The following STXBP5L variants were observed in gnomAD, a reference collection of about 807,000 sequenced individuals.
STXBP5L encodes syntaxin binding protein 5L.
STXBP5L carries 65 observed loss-of-function variants against 144.5 expected under a neutral mutation model. That is an observed-to-expected ratio of 0.45 (90% CI 0.37 to 0.55). The LOEUF (loss-of-function observed/expected upper bound fraction) is 0.55, where lower values mean the gene tolerates loss of function less well. Ranked by LOEUF, STXBP5L falls within the 20% of genes least tolerant of loss-of-function variation. The pLI is 0.00. For synonymous variants in STXBP5L, 505 were observed against 469.6 expected, an observed-to-expected ratio of 1.08 and a Z score of -0.97; for missense variants, 1,298 against 1,405.5, an observed-to-expected ratio of 0.92 and a Z score of 1.22.
intron 20 of STXBP5L, among the ~76,000 whole-genome samples, chr3:121,348,110 T>G (rs2045086024): frequency 6.6e-6 from 1 of 152,176 alleles, no homozygotes; most frequent in African/African-American, 2.4e-5. Context: ...TAGATAGCTC[T>G]TATTATTTTG....
intron 10 of STXBP5L, among the ~76,000 whole-genome samples, chr3:121,221,455 T>C (rs1040397366): frequency 4.0e-5 from 6 of 151,748 alleles, no homozygotes; most frequent in Non-Finnish European, 7.4e-5. Context: ...TTATTAATAT[T>C]AATAGTAGGT....
chr3:121,087,838 T>G (rs1193715393), intron 5 of STXBP5L, among the ~76,000 whole-genome samples: 1 of 152,110 alleles, frequency 6.6e-6, no homozygotes, highest in Admixed American at 6.6e-5. Flanking sequence ...TTTGTATCAC[T>G]TTTTAAAGAG....
chr3:121,271,503 C>T (rs533770366), intron 18 of STXBP5L, among the ~76,000 whole-genome samples: 26 of 152,204 alleles, frequency 1.7e-4, no homozygotes, highest in African/African-American at 6.3e-4. Flanking sequence ...ACAATAGATG[C>T]TCATTTCTAT....
At chr3:121,194,296 T>G (rs1376847366) in intron 9 of STXBP5L, among the ~76,000 whole-genome samples, 1 of 152,238 alleles carries the variant, frequency 6.6e-6, no homozygotes, top group Non-Finnish European at 1.5e-5. Flanking sequence ...TATTTGGCAT[T>G]TTGTCACTGG....
intron 3 of STXBP5L, among the ~76,000 whole-genome samples, chr3:121,007,373 T>C (rs1944413302): frequency 6.6e-6 from 1 of 152,044 alleles, no homozygotes; most frequent in South Asian, 2.1e-4. Flanking sequence ...CTGGTGTAGT[T>C]ATTAATAAAA....
At chr3:121,284,097 A>G (rs1371364068) in intron 19 of STXBP5L, among the ~76,000 whole-genome samples, 1 of 152,066 alleles carries the variant, frequency 6.6e-6, no homozygotes, top group Non-Finnish European at 1.5e-5. Flanking sequence ...TCAGGATCCT[A>G]TAATATCAGC....
intron 20 of STXBP5L, among the ~76,000 whole-genome samples, chr3:121,331,459 G>C (rs2044319542): frequency 6.6e-6 from 1 of 152,210 alleles, no homozygotes; most frequent in Non-Finnish European, 1.5e-5. Context: ...ATGAAAGGTA[G>C]AATCATAGTT....
chr3:121,145,052 C>G (rs1426842459), intron 7 of STXBP5L, among the ~76,000 whole-genome samples: 1 of 151,756 alleles, frequency 6.6e-6, no homozygotes, highest in Non-Finnish European at 1.5e-5. Flanking sequence ...TTCAGTCAAG[C>G]AAGCTTGATT....
chr3:121,029,817 A>G (rs908612724), intron 3 of STXBP5L, among the ~76,000 whole-genome samples: 7 of 152,168 alleles, frequency 4.6e-5, no homozygotes, highest in African/African-American at 1.7e-4. Flanking sequence ...TCTACAAGGA[A>G]CTTAAACAAA....
At chr3:121,227,307 G>A (rs923994616) in intron 11 of STXBP5L, among the ~76,000 whole-genome samples, 2 of 152,134 alleles carry the variant, frequency 1.3e-5, no homozygotes, top group African/African-American at 2.4e-5. Context: ...TTGGCCAGGT[G>A]CAGTGGCTCA....
intron 22 of STXBP5L, among the ~76,000 whole-genome samples, chr3:121,383,417 T>A (rs964539695): frequency 1.3e-5 from 2 of 151,842 alleles, no homozygotes; most frequent in South Asian, 2.1e-4. Flanking sequence ...AATAAAAAAA[T>A]TAATTAAATC....
intron 3 of STXBP5L, among the ~76,000 whole-genome samples, chr3:121,040,705 C>A (rs1233740297): frequency 6.6e-6 from 1 of 152,060 alleles, no homozygotes; most frequent in East Asian, 1.9e-4. Context: ...AGTAGGCCTG[C>A]TAGATTTTAT....
At chr3:121,248,833 G>C (rs1249682171) in intron 14 of STXBP5L, among the ~76,000 whole-genome samples, 1 of 152,140 alleles carries the variant, frequency 6.6e-6, no homozygotes, top group African/African-American at 2.4e-5. Context: ...ATGGTGAAAG[G>C]TAAGGGTCTA....
rs1401846982 is a variant in STXBP5L at position 121,213,396 on chromosome 3, T to A, written c.956+7395T>A. On this transcript the variant is annotated intron_variant, in intron 10 of 26. Transcript: ENST00000471454. ...TTGAAATATGTTTCAATACCTAGTTTATTGAGAGTTTTTAGCATGAAGGGG... is the reference window on the plus strand; with the variant it reads ...TTGAAATATGTTTCAATACCTAGTTAATTGAGAGTTTTTAGCATGAAGGGG... Among the ~76,000 whole-genome samples the A allele has an allele frequency of 5.9e-5, 9 of 152,176 alleles. No individual in the cohort carries two copies. The East Asian group carries it at 1.7e-3, about 29-fold the overall frequency.
intron 22 of STXBP5L, among the ~76,000 whole-genome samples, chr3:121,395,134 G>C (rs1456552251): frequency 6.6e-6 from 1 of 152,132 alleles, no homozygotes. Context: ...GAAATAGTAA[G>C]TAACCCTTTA....
intron 7 of STXBP5L, among the ~76,000 whole-genome samples, chr3:121,121,916 G>C (rs1176922271): frequency 6.6e-6 from 1 of 150,922 alleles, no homozygotes; most frequent in African/African-American, 2.4e-5. Flanking sequence ...GCTTTACTGA[G>C]AGATAAAATC....
At chr3:120,987,803 T>C (rs1421673049) in intron 3 of STXBP5L, among the ~76,000 whole-genome samples, 1 of 151,864 alleles carries the variant, frequency 6.6e-6, no homozygotes, top group Non-Finnish European at 1.5e-5. Flanking sequence ...ATCTGGGTAA[T>C]ACTATCTTCA....
rs370605827 is a variant in STXBP5L at position 121,257,174 on chromosome 3, G to A, written c.1673G>A (p.Arg558Gln). The change falls in exon 17 of 27, where the codon CGA (arginine) becomes CAA (glutamine). Residue 558 changes from arginine (R) to glutamine (Q), a missense_variant. By Grantham distance (43) the Arg-to-Gln change is conservative. Coordinates refer to ENST00000471454, the MANE Select transcript of STXBP5L (RefSeq NM_001308330.2). ...ITTEIVSLEV[R>Q]LQYDVEDIIT... Reference sequence around the variant, plus strand: ...GATTTTTTTAAGTCATTAGAGGTACGACTTCAGTATGATGTTGAAGATATT... The same window carrying A: ...GATTTTTTTAAGTCATTAGAGGTACAACTTCAGTATGATGTTGAAGATATT... 125 of 1,605,034 alleles carry A rather than the reference G, an allele frequency of 7.8e-5. No homozygotes were observed. The Middle Eastern group carries it at 2.0e-3, about 26-fold the overall frequency.
rs756217221 is a variant in STXBP5L, at chr3:121,419,042, T to C, written c.3448-14T>C. On this transcript the variant is annotated splice_polypyrimidine_tract_variant and intron_variant, in intron 26 of 26. Transcript: ENST00000471454. ...GTATTTTAGCGTCTTATGGTGGCTATTTTTTCTTTGCAGTTAATGCTGAAA... is the reference window on the plus strand; with the variant it reads ...GTATTTTAGCGTCTTATGGTGGCTACTTTTTCTTTGCAGTTAATGCTGAAA... 1 of 1,610,642 alleles carries C rather than the reference T, an allele frequency of 6.2e-7. No individual in the cohort carries two copies. Among genetic ancestry groups the C allele is most frequent in the Non-Finnish European group, 8.5e-7 (1 of 1,178,668 alleles).
Sources: gnomAD v4.1 joint callset for allele counts (sites outside exome capture counted in the v4.1 genomes callset) on GRCh38, gnomAD v4.1.1 for gene constraint, MANE v1.5 for transcripts, NCBI Gene and HGNC (gene_info 2026-07-23, HGNC 2026-07-21) for gene names.